The following SEC14L6 variants were observed in gnomAD, a reference collection of about 807,000 sequenced individuals.
SEC14L6 encodes SEC14-like protein 6.
SEC14L6 carries 40 observed loss-of-function variants against 54.1 expected under a neutral mutation model. The ratio of observed to expected loss-of-function variants is 0.74; its 90% CI spans 0.57 to 0.96. The LOEUF (loss-of-function observed/expected upper bound fraction) is 0.96. Among genes scored for constraint, SEC14L6 ranks in the 40% least tolerant of loss-of-function variants. The pLI is 0.00. For synonymous variants in SEC14L6, 171 were observed against 198.4 expected (o/e 0.86, Z 1.16); for missense variants, 471 against 498.3 (o/e 0.95, Z 0.52).
In SEC14L6 at chr22:30,524,318, A is replaced by T. The variant is rs913984655; in HGVS notation, c.*679T>A. On this transcript the variant is annotated 3_prime_UTR_variant, in exon 12 of 12. Transcript: ENST00000402034. Reference sequence around the variant, plus strand: ...CTGTGAGTAATAAACTATCTTTTCAATGGTAATTATTTCCTGATCTGTCAG... The same window carrying T: ...CTGTGAGTAATAAACTATCTTTTCATTGGTAATTATTTCCTGATCTGTCAG... 3 of 152,062 alleles carry T rather than the reference A, an allele frequency of 2.0e-5. No homozygotes were observed. The highest frequency in any genetic ancestry group is 2.0e-4 in the Admixed American group (3 of 15,264). 9.4% of individuals were successfully genotyped at this position (152,062 alleles called of 1,614,324 possible).
chr22:30,525,215 A>G (rs577564106), intron 11 of SEC14L6, 106 bp from the exon 12 acceptor site: 13 of 1,325,410 alleles, frequency 9.8e-6, no homozygotes, highest in East Asian at 2.5e-5. Context: ...CATTGCCACA[A>G]TTGAGAGCCC....
Position 30,532,919 on chromosome 22 carries a change from T to TGGGGAC in SEC14L6, c.175-69_175-64dup, listed in dbSNP as rs1937033852. The TGGGGAC allele has an allele frequency of 1.2e-5, 19 of 1,585,734 alleles. No homozygotes were observed. The South Asian group carries it at 1.8e-4, about 15-fold the overall frequency. On this transcript the variant is annotated intron_variant, in intron 3 of 11. Transcript: ENST00000402034. Reference sequence around the variant, plus strand: ...TGTCCCAAAGACCTCTGTGGATACCTGGGGACACCAGGCCAGGTCCCTCTG... The same window carrying TGGGGAC: ...TGTCCCAAAGACCTCTGTGGATACCTGGGGACGGGGACACCAGGCCAGGTCCCTCTG...
intron 2 of SEC14L6, among the ~76,000 whole-genome samples, chr22:30,535,883 T>TTG (rs753315712): frequency 8.6e-6 from 1 of 116,902 alleles, no homozygotes; most frequent in East Asian, 2.2e-4. Flanking sequence ...GCTAAGTTTT[T>TTG]TGTGTTTTTT....
rs1351560804 is a variant in SEC14L6 at position 30,545,056 on chromosome 22, T to C, written c.54+1573A>G. ...ATGCAAAACCCTATGATGGCAGGAATCGAGACCTCCAAGGACCCGTCGTTG... is the reference window on the plus strand; with the variant it reads ...ATGCAAAACCCTATGATGGCAGGAACCGAGACCTCCAAGGACCCGTCGTTG... On this transcript the variant is annotated intron_variant, in intron 1 of 11. Transcript: ENST00000402034. 2.0e-5 allele frequency among the ~76,000 whole-genome samples: 3 copies of C among 151,826 alleles called. No individual in the cohort carries two copies. In the East Asian group the frequency reaches 5.8e-4, roughly 29 times the overall value.
At chr22:30,539,621 T>A (rs965145261) in intron 1 of SEC14L6, among the ~76,000 whole-genome samples, 1 of 152,342 alleles carries the variant, frequency 6.6e-6, no homozygotes, top group South Asian at 2.1e-4. Flanking sequence ...GCAGAGCCAG[T>A]TGCCTGATTC....
intron 11 of SEC14L6, 96 bp from the exon 12 acceptor site, chr22:30,525,205 C>A: frequency 7.7e-7 from 1 of 1,297,640 alleles, no homozygotes; most frequent in Non-Finnish European, 1.1e-6. Context: ...ACCAGGGAAC[C>A]ATTGCCACAA....
intron 2 of SEC14L6, among the ~76,000 whole-genome samples, chr22:30,538,525 C>T (rs1049442842): frequency 2.6e-5 from 4 of 152,088 alleles, no homozygotes; most frequent in African/African-American, 4.8e-5. Flanking sequence ...CTGCCAACAG[C>T]GAGCACAGAC....
intron 2 of SEC14L6, among the ~76,000 whole-genome samples, chr22:30,536,284 T>G (rs1679718553): frequency 6.6e-6 from 1 of 152,174 alleles, no homozygotes; most frequent in Non-Finnish European, 1.5e-5. Context: ...TGAATTCCTG[T>G]GTACTCTGCA....
At chr22:30,528,741 T>A (rs1936864922) in intron 8 of SEC14L6, among the ~76,000 whole-genome samples, 1 of 151,852 alleles carries the variant, frequency 6.6e-6, no homozygotes, top group Admixed American at 6.6e-5. Flanking sequence ...CGGATCTAAT[T>A]CCCCCCATTA....
At position 30,529,311 on chromosome 22, in the gene SEC14L6, C is replaced by A; in HGVS notation, c.558G>T (p.Leu186Phe). The A allele has an allele frequency of 6.4e-7, 1 of 1,550,566 alleles. No homozygotes were observed. Among genetic ancestry groups the A allele is most frequent in the South Asian group, 1.2e-5 (1 of 84,046 alleles). ...CACCTCTCACAACAATTAAACTCTT[C>A]AAGATCTCAGGGTAATTTGCTTCAA... ...SALEANYPEI[L>F]KSLIVVRAPK... Residue 186 changes from leucine (L) to phenylalanine (F), a missense_variant, in exon 7 of 12, where the codon TTG becomes TTT. Physicochemically the swap from Leu to Phe is conservative, Grantham distance 22. Transcript: ENST00000402034.
In SEC14L6 at chr22:30,534,032, G is replaced by A; in HGVS notation, c.138C>T (p.Ser46=). ...TGTCCTCTGATTTCTGCAGGTCAAA[G>A]CTCCGAGCTGCAACAAGAGACAGGG... ...YFLLRWLQAR[S]FDLQKSEDML... Residue 46 remains serine, a synonymous_variant, in exon 3 of 12, where the codon AGC becomes AGT. Coordinates refer to ENST00000402034, the MANE Select transcript of SEC14L6 (RefSeq NM_001193336.4). 6.4e-7 allele frequency: 1 copy of A among 1,550,986 alleles called. No homozygotes were observed. The highest frequency in any genetic ancestry group is 1.2e-5 in the South Asian group (1 of 84,050).
intron 1 of SEC14L6, chr22:30,543,715 C>G (rs2085764323): frequency 6.2e-7 from 1 of 1,602,996 alleles, no homozygotes. Context: ...GTGCACCTTG[C>G]TGGTGGCCCT....
In SEC14L6 at chr22:30,524,268, G is replaced by A; in HGVS notation, c.*729C>T. The A allele has an allele frequency of 6.6e-6, 1 of 152,312 alleles. No homozygotes were observed. Among genetic ancestry groups the A allele is most frequent in the Non-Finnish European group, 1.5e-5 (1 of 68,032 alleles). 9.4% of individuals were successfully genotyped at this position (152,312 alleles called of 1,614,324 possible). A position where few individuals can be genotyped will look rare whatever the true frequency, so the allele number is the denominator to read the frequency against. ...GGGGACCCCTCCTCTTCCCCCTATGGCACAGCGGCCCCTCCTCTTGGGAAC... is the reference window on the plus strand; with the variant it reads ...GGGGACCCCTCCTCTTCCCCCTATGACACAGCGGCCCCTCCTCTTGGGAAC... On this transcript the variant is annotated 3_prime_UTR_variant, in exon 12 of 12. Transcript: ENST00000402034.
At chr22:30,544,997 C>T (rs184495832) in intron 1 of SEC14L6, among the ~76,000 whole-genome samples, 3 of 152,252 alleles carry the variant, frequency 2.0e-5, no homozygotes, top group Admixed American at 6.5e-5. Context: ...AACCCCATCC[C>T]GGCACCTCCC....
intron 1 of SEC14L6, chr22:30,544,272 C>G (rs1234518786): frequency 3.9e-6 from 2 of 508,736 alleles, no homozygotes; most frequent in African/African-American, 3.8e-5. Flanking sequence ...CCCCCTCTCC[C>G]CACATTGCCA....
At chr22:30,538,142 C>T (rs2085631207) in intron 2 of SEC14L6, among the ~76,000 whole-genome samples, 1 of 152,014 alleles carries the variant, frequency 6.6e-6, no homozygotes, top group East Asian at 1.9e-4. Context: ...GAGTTTGAGA[C>T]CAGCCTGGCT....
In SEC14L6 at chr22:30,525,834, G is replaced by C. The variant is rs765410801; in HGVS notation, c.763C>G (p.Leu255Val). 52 of 1,613,594 alleles carry C rather than the reference G, an allele frequency of 3.2e-5. No individual in the cohort carries two copies. Among genetic ancestry groups the C allele is most frequent in the Non-Finnish European group, 4.2e-5 (50 of 1,179,770 alleles). Reference sequence around the variant, plus strand: ...CTCTGGGCACCCTGTACCTTGGTCAGGCACTTGGGGTTGCCATCGGGGTCA... The same window carrying C: ...CTCTGGGCACCCTGTACCTTGGTCACGCACTTGGGGTTGCCATCGGGGTCA... The part of the protein sequence containing the change: ...MTDPDGNPKC[L>V]TKINYGGEVP... Residue 255 changes from leucine (L) to valine (V), a missense_variant, in exon 9 of 12, where the codon CTG becomes GTG. By Grantham distance (32) the Leu-to-Val change is conservative (BLOSUM62 1). Coordinates refer to ENST00000402034, the MANE Select transcript of SEC14L6 (RefSeq NM_001193336.4).
At chr22:30,543,141 C>A in intron 1 of SEC14L6, 1 of 1,603,702 alleles carries the variant, frequency 6.2e-7, no homozygotes, top group Non-Finnish European at 8.5e-7. Context: ...GGAATCAGCT[C>A]TCAGACTTCC....
In SEC14L6 at chr22:30,524,815, C is replaced by T; in HGVS notation, c.*182G>A. Reference sequence around the variant, plus strand: ...GTGTTGCTTTGCTGTGACCATCGGGCCACCACTAGGACACTGTCCCAGCCG... The same window carrying T: ...GTGTTGCTTTGCTGTGACCATCGGGTCACCACTAGGACACTGTCCCAGCCG... On this transcript the variant is annotated 3_prime_UTR_variant, in exon 12 of 12. Transcript: ENST00000402034. 1 of 565,062 alleles carries T rather than the reference C, an allele frequency of 1.8e-6. No homozygotes were observed. Among genetic ancestry groups the T allele is most frequent in the Non-Finnish European group, 3.2e-6 (1 of 312,734 alleles). 35.0% of individuals were successfully genotyped at this position (565,062 alleles called of 1,614,324 possible). A position where few individuals can be genotyped will look rare whatever the true frequency, so the allele number is the denominator to read the frequency against.
Sources: gnomAD v4.1 joint callset for allele counts (sites outside exome capture counted in the v4.1 genomes callset) on GRCh38, gnomAD v4.1.1 for gene constraint, MANE v1.5 for transcripts, NCBI Gene and HGNC (gene_info 2026-07-23, HGNC 2026-07-21) for gene names.